Variants in RBFOX1 observed in about 807,000 individuals in gnomAD.
RBFOX1 encodes the protein RNA binding protein fox-1 homolog 1.
In RBFOX1, 8 loss-of-function variants were observed where a neutral mutation model predicts 57.7. The observed-to-expected ratio is 0.14, with a 90% CI of 0.08 to 0.25. The LOEUF (loss-of-function observed/expected upper bound fraction) is 0.25, where lower values mean the gene tolerates loss of function less well. RBFOX1 is among the 10% of genes least tolerant of loss of function. The pLI is 1.00. For synonymous variants in RBFOX1, 326 were observed against 222.4 expected, an observed-to-expected ratio of 1.47 and a Z score of -4.15; for missense variants, 611 against 548.5, an observed-to-expected ratio of 1.11 and a Z score of -1.14.
chr16:6,204,101 C>G (rs2152835182), intron 1 of RBFOX1, among the ~76,000 whole-genome samples: 1 of 151,286 alleles, frequency 6.6e-6, no homozygotes, highest in East Asian at 2.0e-4. Context: ...TTATTAAGTA[C>G]AGGGTGGGGA....
intron 4 of RBFOX1, among the ~76,000 whole-genome samples, chr16:7,469,390 C>T (rs921559461): frequency 1.3e-5 from 2 of 152,082 alleles, no homozygotes; most frequent in Non-Finnish European, 2.9e-5. Flanking sequence ...AATTCCTAAA[C>T]CTATGAGGCT....
intron 2 of RBFOX1, among the ~76,000 whole-genome samples, chr16:6,613,391 A>G (rs12928729): frequency 0.2 from 30,629 of 151,990 alleles, 3,417 homozygotes; most frequent in Middle Eastern, 0.26. Context: ...AATGCCTAGG[A>G]CAAAGCGGGG....
At chr16:5,913,707 G>C (rs2058650846) in intron 4 of RBFOX1, among the ~76,000 whole-genome samples, 1 of 152,222 alleles carries the variant, frequency 6.6e-6, no homozygotes, top group African/African-American at 2.4e-5. Flanking sequence ...TGTATCACCA[G>C]ATCCTTGCTC....
At chr16:5,865,757 C>G (rs983754338) in intron 3 of RBFOX1, among the ~76,000 whole-genome samples, 1 of 152,160 alleles carries the variant, frequency 6.6e-6, no homozygotes, top group Non-Finnish European at 1.5e-5. Context: ...GCTTAACCAA[C>G]AGGAATATAT....
At chr16:7,630,086 G>T (rs2060697351) in intron 10 of RBFOX1, among the ~76,000 whole-genome samples, 1 of 151,946 alleles carries the variant, frequency 6.6e-6, no homozygotes, top group Non-Finnish European at 1.5e-5. Context: ...GCTTACTATT[G>T]ATTGAGTGAT....
At chr16:5,668,046 A>G (rs1340268609) in intron 3 of RBFOX1, among the ~76,000 whole-genome samples, 1 of 152,014 alleles carries the variant, frequency 6.6e-6, no homozygotes, top group African/African-American at 2.4e-5. Context: ...CAACCACATC[A>G]CCAACAAGCA....
At chr16:6,981,633 A>C (rs936585376) in intron 3 of RBFOX1, among the ~76,000 whole-genome samples, 1 of 152,212 alleles carries the variant, frequency 6.6e-6, no homozygotes, top group Non-Finnish European at 1.5e-5. Flanking sequence ...GAGAAGTCAC[A>C]TCTTACATAG....
chr16:6,889,529 A>C (rs896199874), intron 3 of RBFOX1, among the ~76,000 whole-genome samples: 1 of 152,172 alleles, frequency 6.6e-6, no homozygotes, highest in African/African-American at 2.4e-5. Context: ...TCGTGACTGC[A>C]GTGTTACTCA....
At chr16:6,622,393 T>C (rs1303958408) in intron 2 of RBFOX1, among the ~76,000 whole-genome samples, 1 of 152,192 alleles carries the variant, frequency 6.6e-6, no homozygotes, top group African/African-American at 2.4e-5. Flanking sequence ...ACTTACCTTT[T>C]AATGACAGTT....
intron 1 of RBFOX1, among the ~76,000 whole-genome samples, chr16:6,137,485 T>C (rs542755449): frequency 6.6e-6 from 1 of 152,212 alleles, no homozygotes; most frequent in South Asian, 2.1e-4. Context: ...TTTGTGTTTT[T>C]AGTAGACACG....
At chr16:6,473,731 A>T (rs1162884963) in intron 2 of RBFOX1, among the ~76,000 whole-genome samples, 2 of 152,178 alleles carry the variant, frequency 1.3e-5, no homozygotes. Context: ...AAAATTTTAT[A>T]GTAGATAAAT....
chr16:7,167,733 A>C (rs2079858802), intron 4 of RBFOX1, among the ~76,000 whole-genome samples: 1 of 152,178 alleles, frequency 6.6e-6, no homozygotes, highest in Non-Finnish European at 1.5e-5. Context: ...TGTAGATTTT[A>C]TTGACAGAAA....
chr16:7,610,193 C>G (rs937067088), intron 10 of RBFOX1, among the ~76,000 whole-genome samples: 6 of 137,212 alleles, frequency 4.4e-5, no homozygotes, highest in African/African-American at 8.6e-5. Context: ...GATCTCGACT[C>G]TCTGCAACCT....
intron 3 of RBFOX1, among the ~76,000 whole-genome samples, chr16:6,902,108 G>A (rs911579701): frequency 2.0e-5 from 3 of 152,120 alleles, no homozygotes; most frequent in African/African-American, 4.8e-5. Flanking sequence ...AAAATCAGGT[G>A]TCTTACTTGA....
intron 2 of RBFOX1, among the ~76,000 whole-genome samples, chr16:5,530,604 A>G (rs527739232): frequency 6.6e-6 from 1 of 152,282 alleles, no homozygotes; most frequent in South Asian, 2.1e-4. Flanking sequence ...TGTTGGGGTG[A>G]TATTCTGTGC....
intron 2 of RBFOX1, among the ~76,000 whole-genome samples, chr16:5,573,722 G>C (rs1282277395): frequency 2.6e-5 from 4 of 152,124 alleles, no homozygotes; most frequent in African/African-American, 9.7e-5. Flanking sequence ...AACACTTTGG[G>C]AGGCCGAGGT....
intron 4 of RBFOX1, among the ~76,000 whole-genome samples, chr16:7,464,650 C>T (rs1437990536): frequency 2.0e-5 from 3 of 150,416 alleles, no homozygotes; most frequent in Non-Finnish European, 4.4e-5. Context: ...TTAATTGGAT[C>T]CCCCCTCCCC....
At chr16:5,406,423 G>A (rs569105448) in intron 1 of RBFOX1, among the ~76,000 whole-genome samples, 44 of 152,254 alleles carry the variant, frequency 2.9e-4, no homozygotes, top group Admixed American at 2.6e-4. Context: ...CTGGTTCTCA[G>A]GCCTTTGGAC....
intron 1 of RBFOX1, among the ~76,000 whole-genome samples, chr16:6,210,426 GAAGA>G: frequency 6.7e-6 from 1 of 149,476 alleles, no homozygotes; most frequent in South Asian, 2.1e-4. Flanking sequence ...GGAAAGGAAG[GAAGA>G]AAGAAATCTT....
Sources: allele counts gnomAD v4.1 joint callset (sites outside exome capture counted in the v4.1 genomes callset), GRCh38; gene constraint gnomAD v4.1.1; transcripts MANE v1.5; gene names NCBI Gene and HGNC (gene_info 2026-07-23, HGNC 2026-07-21).